The following KIF13A variants were observed in gnomAD, a reference collection of about 807,000 sequenced individuals.
KIF13A encodes the protein kinesin family member 13A, also known as kinesin-like protein KIF13A.
A neutral mutation model predicts 212.2 loss-of-function variants in KIF13A; 79 were observed. The ratio of observed to expected loss-of-function variants is 0.37; its 90% CI spans 0.31 to 0.45. The LOEUF (loss-of-function observed/expected upper bound fraction) is 0.45, where lower values mean the gene tolerates loss of function less well. KIF13A is among the 20% of genes least tolerant of loss of function. The pLI is 1.00. For synonymous variants in KIF13A, 789 were observed against 808.6 expected (o/e 0.98, Z 0.41); for missense variants, 1,901 against 2,209.0 (o/e 0.86, Z 2.79).
At position 17,782,464 on chromosome 6, in the gene KIF13A, C is replaced by T. The variant is rs367583979; in HGVS notation, c.3545-1163G>A. ...AAGCCTGGCCAAGATGGTGAAACCC[C>T]GTCTCTATTAAAAATACAAAAATTG... is the stretch of plus-strand genomic sequence containing the variant. On this transcript the variant is annotated intron_variant, in intron 29 of 38. Transcript: ENST00000259711. 1.4e-3 allele frequency among the ~76,000 whole-genome samples: 207 copies of T among 151,766 alleles called. No individual in the cohort carries two copies. The East Asian group carries it at 0.018, about 13-fold the overall frequency.
chr6:17,892,750 G>C lies in KIF13A; in HGVS notation c.159+5418C>G, dbSNP rs964963639. On this transcript the variant is annotated intron_variant, in intron 3 of 38. Transcript: ENST00000259711. This position sits in a 1 kb window ranked among gnomAD's most constrained non-coding sequence, Gnocchi z 4.7. ...AGGATGGGAGAGCATCTGGGTTGCT[G>C]AACACAAGAAGGTACTGGAAGGGCA... Among the ~76,000 whole-genome samples the C allele has an allele frequency of 2.0e-5, 3 of 152,214 alleles. No individual in the cohort carries two copies. Among genetic ancestry groups the C allele is most frequent in the Admixed American group, 6.5e-5 (1 of 15,284 alleles).
In KIF13A at chr6:17,871,279, C is replaced by T. The variant is rs1924463; in HGVS notation, c.220+2098G>A. 0.055 allele frequency among the ~76,000 whole-genome samples: 8,417 copies of T among 152,184 alleles called. 585 individuals are homozygous for T. The highest frequency in any genetic ancestry group is 0.16 in the African/African-American group (6,728 of 41,456). ...TTATCTCCTCTATGTTCCATCTGCT[C>T]TCTGGTGCCTTCCCAGACAATTGGT... is the stretch of plus-strand genomic sequence containing the variant. On this transcript the variant is annotated intron_variant, in intron 4 of 38. Coordinates refer to ENST00000259711, the MANE Select transcript of KIF13A (RefSeq NM_022113.6). The surrounding 1 kb of genome is among the most constrained non-coding windows in gnomAD (Gnocchi z 4.4).
intron 2 of KIF13A, among the ~76,000 whole-genome samples, chr6:17,925,168 A>G (rs1286350154): frequency 6.6e-6 from 1 of 152,210 alleles, no homozygotes; most frequent in Non-Finnish European, 1.5e-5. Context: ...AGAAACACTG[A>G]GGCAAGCGCA....
Position 17,802,931 on chromosome 6 carries a change from TG to T in KIF13A, c.2454+1429del, listed in dbSNP as rs1317947694. Among the ~76,000 whole-genome samples the T allele has an allele frequency of 1.1e-3, 138 of 128,942 alleles. 1 individual carries two copies. Among genetic ancestry groups the T allele is most frequent in the East Asian group, 8.4e-3 (37 of 4,392 alleles). The allele number at this position is 128,942 out of a possible 152,430, so 84.6% of individuals were successfully genotyped here. A position where few individuals can be genotyped will look rare whatever the true frequency, so the allele number is the denominator to read the frequency against. Reference sequence around the variant, plus strand: ...CTGGTTAATTTTTTTGTGTTTTTTTTGTTTTTTTTTGTTTTGTTTTGAGACA... The same window carrying T: ...CTGGTTAATTTTTTTGTGTTTTTTTTTTTTTTTTTGTTTTGTTTTGAGACA... On this transcript the variant is annotated intron_variant, in intron 20 of 38. Coordinates refer to ENST00000259711, the MANE Select transcript of KIF13A (RefSeq NM_022113.6).
Position 17,771,082 on chromosome 6 carries a change from G to T in KIF13A, c.4581+32C>A. On this transcript the variant is annotated intron_variant, in intron 38 of 38. Transcript: ENST00000259711. This position sits in a 1 kb window ranked among gnomAD's most constrained non-coding sequence, Gnocchi z 5.4. Reference sequence around the variant, plus strand: ...TGAAAGGGCCTTAAACCCACCACCAGGCAATATGACAGAAATGGTTCCGGA... The same window carrying T: ...TGAAAGGGCCTTAAACCCACCACCATGCAATATGACAGAAATGGTTCCGGA... The T allele has an allele frequency of 1.4e-6, 2 of 1,435,006 alleles. No individual in the cohort carries two copies. Among genetic ancestry groups the T allele is most frequent in the Non-Finnish European group, 1.9e-6 (2 of 1,026,152 alleles). The allele number at this position is 1,435,006 out of a possible 1,614,324, so 88.9% of individuals were successfully genotyped here.
chr6:17,841,215 G>A (rs1766472597), intron 9 of KIF13A, among the ~76,000 whole-genome samples: 1 of 151,812 alleles, frequency 6.6e-6, no homozygotes, highest in Admixed American at 6.6e-5. Flanking sequence ...TGGAACTACA[G>A]GTGCATGCCA....
intron 38 of KIF13A, chr6:17,770,591 C>A (rs945366213): frequency 1.1e-4 from 17 of 155,164 alleles, no homozygotes; most frequent in Admixed American, 3.3e-4. Context: ...AGCTAATTAA[C>A]AAAGGCTACC....
At chr6:17,797,760 T>C (rs1428060736) in intron 22 of KIF13A, among the ~76,000 whole-genome samples, 1 of 152,084 alleles carries the variant, frequency 6.6e-6, no homozygotes, top group Non-Finnish European at 1.5e-5. Flanking sequence ...TAGCCGGGTG[T>C]GGTGGTGCAC....
At chr6:17,851,499 C>G (rs1351268402) in intron 7 of KIF13A, among the ~76,000 whole-genome samples, 1 of 152,026 alleles carries the variant, frequency 6.6e-6, no homozygotes, top group East Asian at 1.9e-4. Context: ...GCATATAAGT[C>G]AAAGAGTAAA....
Position 17,789,154 on chromosome 6 carries a change from G to A in KIF13A, c.3261+718C>T, listed in dbSNP as rs751349755. ...TCTTGGTTTGCTGCTTTGACTATTT[G>A]TACGTAACCCCACACTCCATGATAT... On this transcript the variant is annotated intron_variant, in intron 26 of 38. Transcript: ENST00000259711. The surrounding 1 kb of genome is among the most constrained non-coding windows in gnomAD (Gnocchi z 4.8). Among the ~76,000 whole-genome samples, 5 of 152,188 alleles carry A rather than the reference G, an allele frequency of 3.3e-5. No individual in the cohort carries two copies. Among genetic ancestry groups the A allele is most frequent in the African/African-American group, 4.8e-5 (2 of 41,442 alleles).
chr6:17,815,134 G>A (rs1763809200), intron 17 of KIF13A, among the ~76,000 whole-genome samples: 1 of 152,234 alleles, frequency 6.6e-6, no homozygotes, highest in African/African-American at 2.4e-5. Context: ...AGCCAAGGCG[G>A]AGACAGAGAG....
rs752696019 is a variant in KIF13A at position 17,855,518 on chromosome 6, T to C, written c.413A>G (p.Asn138Ser). The C allele has an allele frequency of 2.5e-6, 4 of 1,613,768 alleles. No homozygotes were observed. The highest frequency in any genetic ancestry group is 2.2e-5 in the East Asian group (1 of 44,874). ...ALFKRISLEQ[N>S]ESQTFKVEVS... ...TTCAACTTTAAAGGTCTGTGACTCA[T>C]TTTGCTCCAAAGAGATCCTTTTAAA... The change falls in exon 6 of 39, where the codon AAT becomes AGT. Residue 138 changes from asparagine to serine, a missense_variant. By Grantham distance (46) the Asn-to-Ser change is conservative (BLOSUM62 1). Around this residue, in one of 5 missense-constraint regions of KIF13A, gnomAD observed 506 missense variants for 637.4 expected, o/e 0.79. Transcript: ENST00000259711. This position sits in a 1 kb window ranked among gnomAD's most constrained non-coding sequence, Gnocchi z 4.1.
chr6:17,813,562 C>T (rs1424307087), intron 17 of KIF13A, among the ~76,000 whole-genome samples: 1 of 152,086 alleles, frequency 6.6e-6, no homozygotes, highest in Non-Finnish European at 1.5e-5. Context: ...GCAGGTAGCT[C>T]CTGGGGAAAA....
chr6:17,865,702 G>A (rs2150421706), intron 4 of KIF13A, among the ~76,000 whole-genome samples: 1 of 152,332 alleles, frequency 6.6e-6, no homozygotes. Flanking sequence ...TGTAAGGCTT[G>A]ACTTGGTATT....
At chr6:17,945,337 G>A (rs555071547) in intron 2 of KIF13A, among the ~76,000 whole-genome samples, 1 of 152,224 alleles carries the variant, frequency 6.6e-6, no homozygotes, top group South Asian at 2.1e-4. Flanking sequence ...TAAAAGTCAG[G>A]ACAGTGGCAG....
intron 11 of KIF13A, among the ~76,000 whole-genome samples, chr6:17,836,329 T>G (rs1306582829): frequency 6.6e-6 from 1 of 152,238 alleles, no homozygotes; most frequent in Non-Finnish European, 1.5e-5. Context: ...TAGTTTATAA[T>G]GTTAATATAA....
In KIF13A at chr6:17,984,621, C is replaced by G. The variant is rs1781390111; in HGVS notation, c.146+2433G>C. The G allele has an allele frequency of 1.2e-6, 1 of 842,980 alleles. No homozygotes were observed. The highest frequency in any genetic ancestry group is 1.4e-6 in the Non-Finnish European group (1 of 700,750). The allele number at this position is 842,980 out of a possible 1,614,324, so 52.2% of individuals were successfully genotyped here. A position where few individuals can be genotyped will look rare whatever the true frequency, so the allele number is the denominator to read the frequency against. On this transcript the variant is annotated intron_variant, in intron 2 of 38. Coordinates refer to ENST00000259711, the MANE Select transcript of KIF13A (RefSeq NM_022113.6). The surrounding 1 kb of genome is among the most constrained non-coding windows in gnomAD (Gnocchi z 5.0). ...TTTTCCCTGGACGTCAATGCATTCT[C>G]ACTTGTTTTTACTGGTAAGACTGAA...
chr6:17,945,413 T>G (rs765989219), intron 2 of KIF13A, among the ~76,000 whole-genome samples: 4 of 152,152 alleles, frequency 2.6e-5, no homozygotes, highest in Non-Finnish European at 5.9e-5. Context: ...CTAATGTTAT[T>G]TTTTGATCTA....
chr6:17,804,892 C>A (rs1468350205), intron 19 of KIF13A, among the ~76,000 whole-genome samples: 1 of 144,246 alleles, frequency 6.9e-6, no homozygotes, highest in African/African-American at 2.5e-5. Context: ...CTAACTAATG[C>A]CTGTGCAGAA....
Sources: allele counts gnomAD v4.1 joint callset (sites outside exome capture counted in the v4.1 genomes callset), GRCh38; gene constraint gnomAD v4.1.1; regional missense constraint gnomAD v4.1.1; non-coding constraint Gnocchi (gnomAD v3.1); transcripts MANE v1.5; gene names NCBI Gene and HGNC (gene_info 2026-07-23, HGNC 2026-07-21).